ACP5: variants seen among roughly 807,000 people sequenced by gnomAD.
ACP5 encodes the protein acid phosphatase 5, tartrate resistant, also known as tartrate-resistant acid phosphatase type 5.
In ACP5, 24 loss-of-function variants were observed where a neutral mutation model predicts 28.7. That is an observed-to-expected ratio of 0.84 (90% CI 0.61 to 1.18). The LOEUF (loss-of-function observed/expected upper bound fraction) is 1.18. Among genes scored for constraint, ACP5 ranks in the 50% most tolerant of loss-of-function variants. ACP5 has a pLI of 0.00. For synonymous variants in ACP5, 154 were observed against 181.4 expected, an observed-to-expected ratio of 0.85 and a Z score of 1.21; for missense variants, 354 against 422.2, an observed-to-expected ratio of 0.84 and a Z score of 1.42.
chr19:11,577,390 C>T lies in ACP5; in HGVS notation c.1-73G>A. 1.3e-6 allele frequency: 2 copies of T among 1,534,348 alleles called. No homozygotes were observed. The highest frequency in any genetic ancestry group is 1.8e-6 in the Non-Finnish European group (2 of 1,126,146). On this transcript the variant is annotated intron_variant, in intron 1 of 4. Coordinates refer to ENST00000648477, the MANE Select transcript of ACP5 (RefSeq NM_001611.5). This position sits in a 1 kb window ranked among gnomAD's most constrained non-coding sequence, Gnocchi z 5.7. ...AGGGAGGCCTTGAGACCCCCGCCTG[C>T]CCTGAGATAGAGGGAGACTGCTTGC...
Position 11,577,270 on chromosome 19 carries a change from G to A in ACP5, c.48C>T (p.Pro16=), listed in dbSNP as rs1246172966. ...ALLILQALLL[P]SLADGATPAL... Reference sequence around the variant, plus strand: ...CAGGGGTGGCACCATCAGCCAGGGAGGGTAGCAACAAGGCTTGCAGGATGA... The same window carrying A: ...CAGGGGTGGCACCATCAGCCAGGGAAGGTAGCAACAAGGCTTGCAGGATGA... The change falls in exon 2 of 5, where the codon CCC becomes CCT. Residue 16 remains proline, a synonymous_variant. Transcript: ENST00000648477. The surrounding 1 kb of genome is among the most constrained non-coding windows in gnomAD (Gnocchi z 5.7). 1 of 1,614,202 alleles carries A rather than the reference G, an allele frequency of 6.2e-7. No individual in the cohort carries two copies. Among genetic ancestry groups the A allele is most frequent in the Non-Finnish European group, 8.5e-7 (1 of 1,180,020 alleles).
At chr19:11,578,021 T>C (rs1274659393), upstream of ACP5, 1 of 158,884 alleles carries the variant, frequency 6.3e-6, no homozygotes, top group Non-Finnish European at 1.4e-5. Context: ...AGTAAGGGCT[T>C]ACCTGTGTGT....
At position 11,576,771 on chromosome 19, in the gene ACP5, C is replaced by A; in HGVS notation, c.334G>T (p.Asp112Tyr). The A allele has an allele frequency of 6.2e-7, 1 of 1,613,994 alleles. No individual in the cohort carries two copies. The highest frequency in any genetic ancestry group is 1.1e-5 in the South Asian group (1 of 91,044). ...TGGGCAGAGACATTGCCAAGGTGGT[C>A]ATGGTTTCCGGCTAGCACGTACCAG... ...VPWYVLAGNH[D>Y]HLGNVSAQIA... Residue 112 changes from aspartate (D) to tyrosine (Y), a missense_variant, in exon 3 of 5, where the codon GAC becomes TAC. Asp to Tyr is a radical substitution (Grantham distance 160). Coordinates refer to ENST00000648477, the MANE Select transcript of ACP5 (RefSeq NM_001611.5).
rs974572329 is a variant in ACP5 at position 11,577,503 on chromosome 19, G to A, written c.-1+90C>T. 1.4e-6 allele frequency: 1 copy of A among 701,600 alleles called. No individual in the cohort carries two copies. Among genetic ancestry groups the A allele is most frequent in the Non-Finnish European group, 2.5e-6 (1 of 405,962 alleles). 43.5% of individuals were successfully genotyped at this position (701,600 alleles called of 1,614,324 possible). ...GGCTGCACAAGCTGGCTTAGGGAAG[G>A]GGGGCGCGGTCTGTGAGAGGGCGAG... On this transcript the variant is annotated intron_variant, in intron 1 of 4. Transcript: ENST00000648477. This position sits in a 1 kb window ranked among gnomAD's most constrained non-coding sequence, Gnocchi z 5.7.
rs1467662516 is a variant in ACP5 at position 11,576,371 on chromosome 19, C to T, written c.607G>A (p.Ala203Thr). 6.2e-7 allele frequency: 1 copy of T among 1,609,902 alleles called. No homozygotes were observed. Among genetic ancestry groups the T allele is most frequent in the Non-Finnish European group, 8.5e-7 (1 of 1,177,700 alleles). The change falls in exon 4 of 5, where the codon GCT (alanine) becomes ACT (threonine). Residue 203 changes from alanine to threonine, a missense_variant. Ala to Thr is a moderately conservative substitution (Grantham distance 58). Coordinates refer to ENST00000648477, the MANE Select transcript of ACP5 (RefSeq NM_001611.5). ...AAAREDYVLV[A>T]GHYPVWSIAE... is the part of the protein sequence containing the mutation. ...ATGGACCACACGGGGTAGTGGCCAG[C>T]CACCAGCACGTAGTCCTCCCTGGCC...
chr19:11,577,473 C>A lies in ACP5; in HGVS notation c.-1+120G>T. 1 of 824,068 alleles carries A rather than the reference C, an allele frequency of 1.2e-6. No individual in the cohort carries two copies. The allele number at this position is 824,068 out of a possible 1,614,324, so 51.0% of individuals were successfully genotyped here. ...CCTAATTCTCAGGACACACAAGCTG[C>A]ACAAGGCTGCACAAGCTGGCTTAGG... On this transcript the variant is annotated intron_variant, in intron 1 of 4. Coordinates refer to ENST00000648477, the MANE Select transcript of ACP5 (RefSeq NM_001611.5). The surrounding 1 kb of genome is among the most constrained non-coding windows in gnomAD (Gnocchi z 5.7).
chr19:11,577,868 G>A (rs1396352582), upstream of ACP5: 2 of 218,090 alleles, frequency 9.2e-6, no homozygotes, highest in Non-Finnish European at 1.9e-5. The surrounding 1 kb of genome is among the most constrained non-coding windows in gnomAD (Gnocchi z 5.7). Context: ...TGGACCTGCA[G>A]GGGCCTGTTT....
chr19:11,575,429 G>A, intron 4 of ACP5, 177 bp from the exon 5 acceptor site: 1 of 749,084 alleles, frequency 1.3e-6, no homozygotes, highest in East Asian at 2.7e-5. Flanking sequence ...AGAGCACTTA[G>A]TAAGAAATTG....
rs1295870155 is a variant in ACP5, at chr19:11,574,936, G to C, written c.*74C>G. The C allele has an allele frequency of 3.8e-6, 6 of 1,580,520 alleles. No homozygotes were observed. The highest frequency in any genetic ancestry group is 5.2e-6 in the Non-Finnish European group (6 of 1,152,140). On this transcript the variant is annotated 3_prime_UTR_variant, in exon 5 of 5. Coordinates refer to ENST00000648477, the MANE Select transcript of ACP5 (RefSeq NM_001611.5). ...CACAGGTTGGAGGAAAAGCCTGCCT[G>C]TGAGCAGGGTCCCGGCAGGGCCCAC...
At chr19:11,575,428 A>C (rs1973097443) in intron 4 of ACP5, 176 bp from the exon 5 acceptor site, 2 of 758,894 alleles carry the variant, frequency 2.6e-6, no homozygotes, top group Non-Finnish European at 4.3e-6. Context: ...TAGAGCACTT[A>C]GTAAGAAATT....
Position 11,577,288 on chromosome 19 carries a change from C to A in ACP5, c.30G>T (p.Leu10=), listed in dbSNP as rs139654624. Residue 10 remains leucine, a synonymous_variant, in exon 2 of 5, where the codon CTG becomes CTT. Coordinates refer to ENST00000648477, the MANE Select transcript of ACP5 (RefSeq NM_001611.5). The surrounding 1 kb of genome is among the most constrained non-coding windows in gnomAD (Gnocchi z 5.7). ...CCAGGGAGGGTAGCAACAAGGCTTG[C>A]AGGATGAGCAGCGCCGTCCACATGT... The part of the protein sequence containing the change: MDMWTALLI[L]QALLLPSLAD... 2.0e-4 allele frequency: 324 copies of A among 1,614,044 alleles called. No individual in the cohort carries two copies. The highest frequency in any genetic ancestry group is 7.2e-4 in the Admixed American group (43 of 59,996).
chr19:11,576,992 C>T, intron 2 of ACP5, 65 bp downstream of exon 2: 2 of 1,610,288 alleles, frequency 1.2e-6, no homozygotes, highest in South Asian at 2.2e-5. Flanking sequence ...AGGAAGGTCA[C>T]TAGGTAAGGC....
intron 2 of ACP5, 21 bp from the exon 3 acceptor site, chr19:11,576,864 AG>A: frequency 6.2e-7 from 1 of 1,614,070 alleles, no homozygotes; most frequent in Admixed American, 1.7e-5. Context: ...CAGATAGGGC[AG>A]GCCTCTTCCC....
chr19:11,575,063 C>A lies in ACP5; in HGVS notation c.925G>T (p.Ala309Ser), dbSNP rs1314981432. ...GTCTTAAAGAGGGACTTGCCCGAGG[C>A]CTCGATGTAAGTGACAGTCATCTCT... ...SKEMTVTYIE[A>S]SGKSLFKTRL... is the part of the protein sequence containing the mutation. Residue 309 changes from alanine to serine, a missense_variant, in exon 5 of 5, where the codon GCC (alanine) becomes TCC (serine). Coordinates refer to ENST00000648477, the MANE Select transcript of ACP5 (RefSeq NM_001611.5). 6.2e-7 allele frequency: 1 copy of A among 1,614,202 alleles called. No individual in the cohort carries two copies. The highest frequency in any genetic ancestry group is 2.2e-5 in the East Asian group (1 of 44,872).
chr19:11,578,468 G>C (rs79119616), upstream of ACP5: 4 of 152,364 alleles, frequency 2.6e-5, no homozygotes, highest in Non-Finnish European at 2.9e-5. Context: ...GATAGCGCGC[G>C]TGACCACAGA....
rs1300032027 is a variant in ACP5, at chr19:11,576,176, CATGT to C, written c.735+63_735+66del. The C allele has an allele frequency of 1.1e-4, 147 of 1,370,064 alleles. 3 individuals carry two copies. The South Asian group carries it at 1.3e-3, about 12-fold the overall frequency. 84.9% of individuals were successfully genotyped at this position (1,370,064 alleles called of 1,614,324 possible). A position where few individuals can be genotyped will look rare whatever the true frequency, so the allele number is the denominator to read the frequency against. ...CCTCAAACAGCAGGAGGACCCCAGC[CATGT>C]GGACATCAGCTGGGATGGGGACCCC... On this transcript the variant is annotated intron_variant, in intron 4 of 4. Coordinates refer to ENST00000648477, the MANE Select transcript of ACP5 (RefSeq NM_001611.5).
chr19:11,575,341 GA>G, intron 4 of ACP5, 89 bp from the exon 5 acceptor site: 1 of 1,523,728 alleles, frequency 6.6e-7, no homozygotes, highest in Admixed American at 1.8e-5. Context: ...CCTAACCACA[GA>G]GTCACCTTGA....
rs752926629 is a variant in ACP5 at position 11,576,399 on chromosome 19, C to T, written c.579G>A (p.Ala193=). The T allele has an allele frequency of 9.9e-6, 16 of 1,612,280 alleles. No individual in the cohort carries two copies. The Admixed American group carries it at 1.2e-4, about 12-fold the overall frequency. ...TQLSWLKKQL[A]AAREDYVLVA... ...CCAGCACGTAGTCCTCCCTGGCCGC[C>T]GCCAGCTGTTTCTTGAGCCAGGACA... Residue 193 remains alanine (A), a synonymous_variant, in exon 4 of 5, where the codon GCG becomes GCA. Transcript: ENST00000648477.
chr19:11,575,399 A>G, intron 4 of ACP5, 147 bp from the exon 5 acceptor site: 2 of 943,750 alleles, frequency 2.1e-6, no homozygotes, highest in Non-Finnish European at 1.6e-6. Flanking sequence ...TTAGGAGTGT[A>G]TTAATCCTAT....
Sources: allele counts gnomAD v4.1 joint callset, GRCh38; gene constraint gnomAD v4.1.1; non-coding constraint Gnocchi (gnomAD v3.1); transcripts MANE v1.5; gene names NCBI Gene and HGNC (gene_info 2026-07-23, HGNC 2026-07-21).